CAMTA1: variants seen among roughly 807,000 people sequenced by gnomAD.
CAMTA1 encodes the protein calmodulin-binding transcription activator 1.
In CAMTA1, 27 loss-of-function variants were observed where a neutral mutation model predicts 170.9. The ratio of observed to expected loss-of-function variants is 0.16; its 90% CI spans 0.12 to 0.22. The LOEUF (loss-of-function observed/expected upper bound fraction) is 0.22. Among genes scored for constraint, CAMTA1 ranks in the 10% least tolerant of loss-of-function variants. The probability of loss-of-function intolerance (pLI) is 1.00; values close to 1 mark genes in which losing one functional copy is unlikely to be tolerated. For missense variants in CAMTA1, 1,619 were observed against 2,217.2 expected, an observed-to-expected ratio of 0.73 and a Z score of 5.42; for synonymous variants, 833 against 891.5, an observed-to-expected ratio of 0.93 and a Z score of 1.17.
chr1:7,621,547 C>T (rs2095598281), intron 6 of CAMTA1, among the ~76,000 whole-genome samples: 3 of 152,150 alleles, frequency 2.0e-5, no homozygotes. Flanking sequence ...CAGTGCAGCT[C>T]GGTAGAGGTA....
In CAMTA1 at chr1:7,562,078, C is replaced by T. The variant is rs2150264883; in HGVS notation, c.511-78322C>T. On this transcript the variant is annotated intron_variant, in intron 6 of 22. Coordinates refer to ENST00000303635, the MANE Select transcript of CAMTA1 (RefSeq NM_015215.4). The surrounding 1 kb of genome is among the most constrained non-coding windows in gnomAD (Gnocchi z 4.8). ...GATTGGGAGATGGTGTTCAGGGAAG[C>T]CTTTGTGCCCCAGGAAAAGCCAGGC... Among the ~76,000 whole-genome samples the T allele has an allele frequency of 6.6e-6, 1 of 152,246 alleles. No individual in the cohort carries two copies.
At chr1:6,790,677 C>T (rs1053650671) in intron 1 of CAMTA1, among the ~76,000 whole-genome samples, 10 of 152,018 alleles carry the variant, frequency 6.6e-5, no homozygotes, top group African/African-American at 2.4e-4. Context: ...AGAATTATAT[C>T]CAAATTTAAT....
At position 7,635,545 on chromosome 1, in the gene CAMTA1, G is replaced by C. The variant is rs1353244272; in HGVS notation, c.511-4855G>C. On this transcript the variant is annotated intron_variant, in intron 6 of 22. Coordinates refer to ENST00000303635, the MANE Select transcript of CAMTA1 (RefSeq NM_015215.4). The surrounding 1 kb of genome is among the most constrained non-coding windows in gnomAD (Gnocchi z 4.4). ...AATGGCGTGAACCCGGGAGGCGGAG[G>C]TTGCAGTGAGCCGAGATCGCGCCAC... 6.6e-6 allele frequency among the ~76,000 whole-genome samples: 1 copy of C among 151,070 alleles called. No individual in the cohort carries two copies. The highest frequency in any genetic ancestry group is 2.0e-4 in the East Asian group (1 of 5,106).
Position 6,877,181 on chromosome 1 carries a change from A to G in CAMTA1, c.234+51971A>G, listed in dbSNP as rs149822603. On this transcript the variant is annotated intron_variant, in intron 3 of 22. Coordinates refer to ENST00000303635, the MANE Select transcript of CAMTA1 (RefSeq NM_015215.4). ...GACATGTTGGAGAAACAGTCAAAGT[A>G]ATCATCCTTCTGCGCTCCCCCTCCC... Among the ~76,000 whole-genome samples, 48 of 152,320 alleles carry G rather than the reference A, an allele frequency of 3.2e-4. No individual in the cohort carries two copies. The Middle Eastern group carries it at 0.01, about 32-fold the overall frequency.
chr1:7,637,766 C>T (rs1358014551), intron 6 of CAMTA1, among the ~76,000 whole-genome samples: 2 of 152,218 alleles, frequency 1.3e-5, no homozygotes, highest in Non-Finnish European at 2.9e-5. Context: ...AGGCACCTCT[C>T]TATAGACAGA....
intron 3 of CAMTA1, among the ~76,000 whole-genome samples, chr1:6,977,300 G>A (rs1471698179): frequency 6.6e-6 from 1 of 152,030 alleles, no homozygotes; most frequent in Non-Finnish European, 1.5e-5. Context: ...GGTGCCAGTG[G>A]GGTTATGTTG....
At chr1:7,660,034 GC>G (rs2095940818) in intron 7 of CAMTA1, among the ~76,000 whole-genome samples, 1 of 152,178 alleles carries the variant, frequency 6.6e-6, no homozygotes, top group South Asian at 2.1e-4. Flanking sequence ...TTCCAAACCA[GC>G]CTGGGTAACA....
intron 6 of CAMTA1, among the ~76,000 whole-genome samples, chr1:7,582,493 A>G (rs549948263): frequency 1.1e-4 from 17 of 152,246 alleles, no homozygotes; most frequent in East Asian, 7.7e-4. Context: ...CAGAGGCTCA[A>G]TGGATAAAGG....
intron 3 of CAMTA1, among the ~76,000 whole-genome samples, chr1:6,915,550 G>C (rs79231858): frequency 0.015 from 2,220 of 152,286 alleles, 47 homozygotes; most frequent in African/African-American, 0.05. Context: ...TGTTCAAGAA[G>C]GTGGGAGCAG....
At chr1:6,827,603 A>G (rs1647547910) in intron 3 of CAMTA1, among the ~76,000 whole-genome samples, 1 of 151,976 alleles carries the variant, frequency 6.6e-6, no homozygotes, top group Non-Finnish European at 1.5e-5. Flanking sequence ...TTACTAAAGC[A>G]CTTCTTTGAT....
At chr1:7,540,308 A>G (rs2094594940) in intron 6 of CAMTA1, among the ~76,000 whole-genome samples, 1 of 152,178 alleles carries the variant, frequency 6.6e-6, no homozygotes, top group African/African-American at 2.4e-5. Context: ...GGGGCCCAGC[A>G]TTAGAACTGG....
chr1:7,257,797 T>C (rs1323692913), intron 5 of CAMTA1, among the ~76,000 whole-genome samples: 1 of 152,216 alleles, frequency 6.6e-6, no homozygotes, highest in Non-Finnish European at 1.5e-5. Flanking sequence ...ATCATGTATT[T>C]TATCTGACAA....
chr1:7,712,992 C>G (rs1406921289), intron 11 of CAMTA1, among the ~76,000 whole-genome samples: 1 of 152,132 alleles, frequency 6.6e-6, no homozygotes, highest in Non-Finnish European at 1.5e-5. Context: ...TGGGTCCTGT[C>G]CACGACACAT....
chr1:7,370,546 C>T (rs1334110349), intron 5 of CAMTA1, among the ~76,000 whole-genome samples: 1 of 152,136 alleles, frequency 6.6e-6, no homozygotes, highest in African/African-American at 2.4e-5. Context: ...GACACACATT[C>T]CTGGAAAGGC....
chr1:6,981,119 C>T (rs1296355707), intron 3 of CAMTA1, among the ~76,000 whole-genome samples: 3 of 151,912 alleles, frequency 2.0e-5, no homozygotes, highest in South Asian at 2.1e-4. Context: ...TGCAGTAAGA[C>T]GTAAATACAC....
chr1:6,910,941 T>C (rs185124099), intron 3 of CAMTA1, among the ~76,000 whole-genome samples: 147 of 152,120 alleles, frequency 9.7e-4, no homozygotes, highest in Non-Finnish European at 1.8e-3. Context: ...GGGCAAGGAG[T>C]GGACTTGCCA....
chr1:7,415,645 A>T (rs2091108386), intron 5 of CAMTA1, among the ~76,000 whole-genome samples: 1 of 152,074 alleles, frequency 6.6e-6, no homozygotes, highest in Non-Finnish European at 1.5e-5. Flanking sequence ...TTTTGAGCCT[A>T]TGTGTGTTTC....
intron 5 of CAMTA1, among the ~76,000 whole-genome samples, chr1:7,279,065 T>C (rs547185172): frequency 2.0e-5 from 3 of 152,210 alleles, no homozygotes; most frequent in Admixed American, 2.0e-4. Context: ...AAGTGTGTGC[T>C]GGAGGAAATG....
In CAMTA1 at chr1:7,463,809, C is replaced by T. The variant is rs1327422956; in HGVS notation, c.439-4021C>T. Among the ~76,000 whole-genome samples, 2 of 152,194 alleles carry T rather than the reference C, an allele frequency of 1.3e-5. No individual in the cohort carries two copies. Among genetic ancestry groups the T allele is most frequent in the Non-Finnish European group, 2.9e-5 (2 of 68,048 alleles). ...CTTGGGCCACTAAGCCATCACTGCC[C>T]AGCCTTCAGGAGCCCTCTTTGGTGT... On this transcript the variant is annotated intron_variant, in intron 5 of 22. Transcript: ENST00000303635. The surrounding 1 kb of genome is among the most constrained non-coding windows in gnomAD (Gnocchi z 4.7).
Sources: allele counts gnomAD v4.1 joint callset (sites outside exome capture counted in the v4.1 genomes callset), GRCh38; gene constraint gnomAD v4.1.1; non-coding constraint Gnocchi (gnomAD v3.1); transcripts MANE v1.5; gene names NCBI Gene and HGNC (gene_info 2026-07-23, HGNC 2026-07-21).